EPDR1: variants seen among roughly 807,000 people sequenced by gnomAD.
EPDR1 encodes mammalian ependymin-related protein 1.
EPDR1 carries 27 observed loss-of-function variants against 23.7 expected under a neutral mutation model. The observed-to-expected ratio is 1.14, with a 90% CI of 0.84 to 1.57. The LOEUF is 1.57. Ranked by LOEUF, EPDR1 falls within the 40% of genes most tolerant of loss-of-function variation. The pLI is 0.00. For synonymous variants in EPDR1, 137 were observed against 118.2 expected (o/e 1.16, Z -1.03); for missense variants, 349 against 290.4 (o/e 1.20, Z -1.47).
At chr7:37,934,961 T>C (rs73342818) in intron 1 of EPDR1, among the ~76,000 whole-genome samples, 186 of 152,060 alleles carry the variant, frequency 1.2e-3, no homozygotes, top group African/African-American at 4.0e-3. Flanking sequence ...AAAAGTTAAC[T>C]ATGACAATAA....
rs780512084 is a variant in EPDR1 at position 37,920,669 on chromosome 7, G to A, written c.-271G>A. ...AAAACCGAAGCGGCAGAAGGCAGTG[G>A]CAGCAGGCAGTGGCAGCAGGCAGTG... On this transcript the variant is annotated 5_prime_UTR_variant, in exon 1 of 3. Coordinates refer to ENST00000199448, the MANE Select transcript of EPDR1 (RefSeq NM_017549.5). The A allele has an allele frequency of 1.3e-6, 1 of 743,298 alleles. No individual in the cohort carries two copies. The highest frequency in any genetic ancestry group is 1.6e-5 in the South Asian group (1 of 61,226). The allele number at this position is 743,298 out of a possible 1,614,324, so 46.0% of individuals were successfully genotyped here. A position where few individuals can be genotyped will look rare whatever the true frequency, so the allele number is the denominator to read the frequency against.
chr7:37,938,054 A>G (rs1786094102), intron 1 of EPDR1, among the ~76,000 whole-genome samples: 1 of 132,508 alleles, frequency 7.5e-6, no homozygotes, highest in Non-Finnish European at 1.5e-5. Flanking sequence ...GCAGTGGTGC[A>G]GTCTCAGCTC....
intron 1 of EPDR1, among the ~76,000 whole-genome samples, chr7:37,924,091 A>C (rs1785769292): frequency 6.6e-6 from 1 of 152,224 alleles, no homozygotes. Context: ...GTCTACTTCA[A>C]TGAGTCTTAT....
At chr7:37,938,895 A>C (rs1285553411) in intron 1 of EPDR1, among the ~76,000 whole-genome samples, 1 of 152,056 alleles carries the variant, frequency 6.6e-6, no homozygotes, top group Non-Finnish European at 1.5e-5. Flanking sequence ...TAATTGAGCT[A>C]TCTGTGGTGC....
intron 1 of EPDR1, among the ~76,000 whole-genome samples, chr7:37,933,829 A>G (rs1052676774): frequency 2.0e-5 from 3 of 152,240 alleles, no homozygotes; most frequent in Non-Finnish European, 4.4e-5. Flanking sequence ...ATTTACAGCT[A>G]TAAGTGTCAG....
At chr7:37,938,233 G>T (rs938956292) in intron 1 of EPDR1, among the ~76,000 whole-genome samples, 1 of 151,788 alleles carries the variant, frequency 6.6e-6, no homozygotes, top group East Asian at 1.9e-4. Context: ...CTTGTGATCC[G>T]CCTGCCATGA....
intron 1 of EPDR1, among the ~76,000 whole-genome samples, chr7:37,929,715 A>G (rs1361152541): frequency 2.6e-5 from 4 of 152,166 alleles, no homozygotes; most frequent in Admixed American, 2.0e-4. Flanking sequence ...ACATCGAATT[A>G]CACTGCAGTG....
intron 1 of EPDR1, among the ~76,000 whole-genome samples, chr7:37,924,343 G>C (rs1289504013): frequency 6.6e-6 from 1 of 152,210 alleles, no homozygotes; most frequent in Non-Finnish European, 1.5e-5. Flanking sequence ...TCAGGCAAAG[G>C]CAAAGTGATG....
intron 2 of EPDR1, among the ~76,000 whole-genome samples, chr7:37,949,429 C>T (rs373933698): frequency 6.6e-6 from 1 of 152,200 alleles, no homozygotes; most frequent in Non-Finnish European, 1.5e-5. Context: ...CTACTCCCAT[C>T]ATGCTGAGTG....
intron 1 of EPDR1, among the ~76,000 whole-genome samples, chr7:37,935,976 GA>G (rs1412261886): frequency 1.3e-4 from 12 of 91,056 alleles, no homozygotes; most frequent in African/African-American, 4.3e-4. Context: ...CATGATTTGG[GA>G]ACTAGCAAAT....
At chr7:37,924,030 AC>A (rs1785767705) in intron 1 of EPDR1, among the ~76,000 whole-genome samples, 2 of 152,214 alleles carry the variant, frequency 1.3e-5, no homozygotes, top group South Asian at 4.1e-4. Context: ...GCACACACAG[AC>A]CCTTCCTTTG....
intron 1 of EPDR1, among the ~76,000 whole-genome samples, chr7:37,946,729 T>C (rs1456490185): frequency 6.6e-6 from 1 of 152,168 alleles, no homozygotes; most frequent in East Asian, 1.9e-4. Context: ...AGGGTGATAC[T>C]TATGATCCTA....
chr7:37,934,879 T>C (rs1262187707), intron 1 of EPDR1, among the ~76,000 whole-genome samples: 3 of 152,026 alleles, frequency 2.0e-5, no homozygotes, highest in Non-Finnish European at 4.4e-5. Context: ...TGAGAGGCAA[T>C]GGTTGCAGTA....
At chr7:37,929,358 T>A (rs775718105) in intron 1 of EPDR1, among the ~76,000 whole-genome samples, 2 of 152,226 alleles carry the variant, frequency 1.3e-5, no homozygotes, top group Non-Finnish European at 2.9e-5. Flanking sequence ...CAGAACACTT[T>A]ACATTCTTTT....
In EPDR1 at chr7:37,920,647, A is replaced by ACC. The variant is rs755966721; in HGVS notation, c.-292_-291dup. The stretch of plus-strand genomic sequence containing the variant: ...CTGTTGGCAGCAGTGAGCAGTGAAA[A>ACC]CCGAAGCGGCAGAAGGCAGTGGCAG... On this transcript the variant is annotated 5_prime_UTR_variant, in exon 1 of 3. Transcript: ENST00000199448. 1 of 1,568,534 alleles carries ACC rather than the reference A, an allele frequency of 6.4e-7. No individual in the cohort carries two copies. The highest frequency in any genetic ancestry group is 1.1e-5 in the South Asian group (1 of 89,746).
chr7:37,920,670 C>T lies in EPDR1; in HGVS notation c.-270C>T. The T allele has an allele frequency of 1.3e-6, 1 of 744,216 alleles. No homozygotes were observed. The highest frequency in any genetic ancestry group is 2.1e-6 in the Non-Finnish European group (1 of 483,986). 46.1% of individuals were successfully genotyped at this position (744,216 alleles called of 1,614,324 possible). A position where few individuals can be genotyped will look rare whatever the true frequency, so the allele number is the denominator to read the frequency against. On this transcript the variant is annotated 5_prime_UTR_variant, in exon 1 of 3. Coordinates refer to ENST00000199448, the MANE Select transcript of EPDR1 (RefSeq NM_017549.5). ...AAACCGAAGCGGCAGAAGGCAGTGG[C>T]AGCAGGCAGTGGCAGCAGGCAGTGG... is the stretch of plus-strand genomic sequence containing the variant.
At chr7:37,945,616 T>A (rs1369555577) in intron 1 of EPDR1, among the ~76,000 whole-genome samples, 1 of 152,230 alleles carries the variant, frequency 6.6e-6, no homozygotes, top group Non-Finnish European at 1.5e-5. Context: ...GGTAGCGCAG[T>A]GCATTACTCA....
intron 1 of EPDR1, chr7:37,926,625 T>C: frequency 2.2e-6 from 1 of 450,400 alleles, no homozygotes; most frequent in Non-Finnish European, 4.5e-6. Context: ...TTGTAGAATG[T>C]TCCTTGATTT....
intron 1 of EPDR1, among the ~76,000 whole-genome samples, chr7:37,940,276 T>C (rs1158471606): frequency 2.6e-5 from 4 of 152,156 alleles, no homozygotes; most frequent in Non-Finnish European, 4.4e-5. Context: ...TTGAAAAGTG[T>C]TATCTATAAG....
Sources: allele counts gnomAD v4.1 joint callset (sites outside exome capture counted in the v4.1 genomes callset), GRCh38; gene constraint gnomAD v4.1.1; transcripts MANE v1.5; gene names NCBI Gene and HGNC (gene_info 2026-07-23, HGNC 2026-07-21).